Variants in ABCA4 observed in about 807,000 individuals in gnomAD.
ABCA4 encodes ATP binding cassette subfamily A member 4, also known as retinal-specific phospholipid-transporting ATPase ABCA4.
A neutral mutation model predicts 263.7 loss-of-function variants in ABCA4; 196 were observed. The ratio of observed to expected loss-of-function variants is 0.74; its 90% confidence interval spans 0.66 to 0.84. The LOEUF is 0.84. Among genes scored for constraint, ABCA4 ranks in the 40% least tolerant of loss-of-function variants. The pLI, the probability that ABCA4 is intolerant of heterozygous loss-of-function variation, is 0.00. For synonymous variants in ABCA4, 1,133 were observed against 1,094.2 expected (o/e 1.04, Z -0.70); for missense variants, 2,792 against 2,855.1 (o/e 0.98, Z 0.50).
chr1:94,037,244 G>C lies in ABCA4; in HGVS notation c.3714C>G (p.Phe1238Leu), dbSNP rs746958360. ...ELIFLLPNKN[F>L]KHRAYASLFR... is the part of the protein sequence containing the mutation. ...AAAGGCTGGCATATGCTCTGTGCTT[G>C]AAGTTCTTATTTGGAAGAAGGAAGA... Residue 1238 changes from phenylalanine (F) to leucine (L), a missense_variant, in exon 25 of 50, where the codon TTC becomes TTG. Transcript: ENST00000370225. 6.2e-7 allele frequency: 1 copy of C among 1,614,112 alleles called. No homozygotes were observed. The highest frequency in any genetic ancestry group is 8.5e-7 in the Non-Finnish European group (1 of 1,180,050).
At chr1:94,014,516 C>T (rs1571252821) in intron 38 of ABCA4, 27 bp downstream of exon 38, 1 of 1,613,514 alleles carries the variant, frequency 6.2e-7, no homozygotes, top group East Asian at 2.2e-5. Flanking sequence ...ACTAATCAAA[C>T]AAAAAAGCCA....
intron 21 of ABCA4, 83 bp downstream of exon 21, chr1:94,043,253 T>C: frequency 1.3e-6 from 2 of 1,598,674 alleles, no homozygotes; most frequent in Non-Finnish European, 1.7e-6. Flanking sequence ...GCTCTCCTGC[T>C]CCAAGCCTCC....
At chr1:94,006,718 C>T (rs767455704) in intron 43 of ABCA4, among the ~76,000 whole-genome samples, 1 of 152,200 alleles carries the variant, frequency 6.6e-6, no homozygotes, top group Non-Finnish European at 1.5e-5. Context: ...GCCAGTGAAG[C>T]GTGCTCAGGA....
In ABCA4 at chr1:94,031,086, A is replaced by G. The variant is rs61750131; in HGVS notation, c.4163T>C (p.Leu1388Pro). 5 of 1,614,188 alleles carry G rather than the reference A, an allele frequency of 3.1e-6. No homozygotes were observed. The highest frequency in any genetic ancestry group is 1.3e-5 in the African/African-American group (1 of 75,064). ...VLPATFVFLA[L>P]MLSIVIPPFG... Reference sequence around the variant, plus strand: ...AGGAGGGATAACAATAGAAAGCATCAGAGCCAAAAACACAAAGGTAGCCGG... The same window carrying G: ...AGGAGGGATAACAATAGAAAGCATCGGAGCCAAAAACACAAAGGTAGCCGG... The change falls in exon 28 of 50, where the codon CTG becomes CCG. Residue 1388 changes from leucine (L) to proline (P), a missense_variant. Coordinates refer to ENST00000370225, the MANE Select transcript of ABCA4 (RefSeq NM_000350.3).
chr1:94,026,421 A>G (rs1017312184), intron 30 of ABCA4, among the ~76,000 whole-genome samples: 3 of 152,196 alleles, frequency 2.0e-5, no homozygotes, highest in African/African-American at 7.2e-5. Context: ...AGACAGAGAA[A>G]CTGAGGTTCA....
intron 3 of ABCA4, among the ~76,000 whole-genome samples, chr1:94,110,743 T>A (rs891913135): frequency 3.9e-5 from 6 of 152,214 alleles, no homozygotes; most frequent in African/African-American, 1.4e-4. Context: ...TAACCTGGCA[T>A]CTACAATTCC....
intron 16 of ABCA4, 151 bp from the exon 17 acceptor site, chr1:94,051,849 C>T: frequency 1.4e-6 from 1 of 689,888 alleles, no homozygotes. Flanking sequence ...TTCTCAGGCT[C>T]CCAGAAAGAC....
In ABCA4 at chr1:93,992,894, A is replaced by C. The variant is rs1455652477; in HGVS notation, c.*343T>G. 2.5e-6 allele frequency: 1 copy of C among 400,814 alleles called. No individual in the cohort carries two copies. Among genetic ancestry groups the C allele is most frequent in the Non-Finnish European group, 4.7e-6 (1 of 214,018 alleles). The allele number at this position is 400,814 out of a possible 1,614,324, so 24.8% of individuals were successfully genotyped here. A position where few individuals can be genotyped will look rare whatever the true frequency, so the allele number is the denominator to read the frequency against. On this transcript the variant is annotated 3_prime_UTR_variant, in exon 50 of 50. Transcript: ENST00000370225. The stretch of plus-strand genomic sequence containing the variant: ...CATGAAAATCACACACAACGCAGAC[A>C]CACAGACAAACATGCAGAAAAGCAG...
intron 47 of ABCA4, among the ~76,000 whole-genome samples, chr1:94,000,552 C>T (rs1204863484): frequency 2.6e-5 from 4 of 152,204 alleles, no homozygotes; most frequent in African/African-American, 9.7e-5. Flanking sequence ...GCAGTGGTAG[C>T]AGCCCTCCCT....
intron 26 of ABCA4, 110 bp from the exon 27 acceptor site, chr1:94,032,153 G>T: frequency 7.7e-7 from 1 of 1,303,794 alleles, no homozygotes; most frequent in Non-Finnish European, 1.1e-6. Flanking sequence ...ATTTAAGTCA[G>T]CAATGAAATA....
At chr1:94,067,919 G>A (rs569578640) in intron 11 of ABCA4, among the ~76,000 whole-genome samples, 12 of 152,296 alleles carry the variant, frequency 7.9e-5, no homozygotes, top group Admixed American at 6.5e-4. Context: ...ATACCAAACC[G>A]TCTCACAAAT....
At chr1:94,059,105 G>A (rs1460409152) in intron 14 of ABCA4, among the ~76,000 whole-genome samples, 3 of 152,224 alleles carry the variant, frequency 2.0e-5, no homozygotes, top group Non-Finnish European at 4.4e-5. Flanking sequence ...ATTCTTAGGA[G>A]GGCAGATCTC....
chr1:94,032,139 CTTCAT>C (rs1435822284), intron 26 of ABCA4, 96 bp from the exon 27 acceptor site: 1 of 1,472,010 alleles, frequency 6.8e-7, no homozygotes, highest in Non-Finnish European at 9.4e-7. Context: ...TGATTTTCCT[CTTCAT>C]TTAAGTCAGC....
chr1:94,010,950 A>G (rs574792682), intron 39 of ABCA4, 21 bp from the exon 40 acceptor site: 9 of 1,613,962 alleles, frequency 5.6e-6, no homozygotes, highest in Admixed American at 5.0e-5. Flanking sequence ...ACAGGAATTG[A>G]GTCCACTTCA....
At chr1:94,086,251 C>A (rs183904432) in intron 6 of ABCA4, among the ~76,000 whole-genome samples, 41 of 152,296 alleles carry the variant, frequency 2.7e-4, no homozygotes, top group Admixed American at 2.7e-3. Flanking sequence ...CACTTTTTAT[C>A]TTTGTATCAC....
Position 94,078,755 on chromosome 1 carries a change from G to A in ABCA4, c.1240-49C>T, listed in dbSNP as rs780799967. On this transcript the variant is annotated intron_variant, in intron 9 of 49. Coordinates refer to ENST00000370225, the MANE Select transcript of ABCA4 (RefSeq NM_000350.3). ...CAGAGACACGAACAGAGAGAAAAGT[G>A]AGAGAGAACTTTTGGTTGTGTCTTT... 11 of 1,332,548 alleles carry A rather than the reference G, an allele frequency of 8.3e-6. No individual in the cohort carries two copies. In the South Asian group the frequency reaches 1.3e-4, roughly 16 times the overall value. The allele number at this position is 1,332,548 out of a possible 1,614,324, so 82.5% of individuals were successfully genotyped here.
At position 94,083,341 on chromosome 1, in the gene ABCA4, A is replaced by G; in HGVS notation, c.858+11T>C. On this transcript the variant is annotated intron_variant, in intron 7 of 49. Coordinates refer to ENST00000370225, the MANE Select transcript of ABCA4 (RefSeq NM_000350.3). The stretch of plus-strand genomic sequence containing the variant: ...TAATGAAATTATAATTACTACCATC[A>G]GGCTACTCACCTCTTGAATTCTTGG... 6.3e-7 allele frequency: 1 copy of G among 1,576,070 alleles called. No individual in the cohort carries two copies. Among genetic ancestry groups the G allele is most frequent in the Non-Finnish European group, 8.7e-7 (1 of 1,146,210 alleles).
intron 30 of ABCA4, among the ~76,000 whole-genome samples, chr1:94,028,927 A>AC (rs1462924887): frequency 0.057 from 8,337 of 146,498 alleles, 532 homozygotes; most frequent in Non-Finnish European, 0.091. Context: ...AAAAAAAAAA[A>AC]AAAGAAATTC....
At chr1:94,120,900 A>ACCCCCCC in intron 1 of ABCA4, 80 bp downstream of exon 1, 1 of 247,126 alleles carries the variant, frequency 4.0e-6, no homozygotes, top group Non-Finnish European at 6.8e-6. Context: ...CCACCACCCT[A>ACCCCCCC]CCCCACCACC....
Sources: gnomAD v4.1 joint callset for allele counts (sites outside exome capture counted in the v4.1 genomes callset) on GRCh38, gnomAD v4.1.1 for gene constraint, MANE v1.5 for transcripts, NCBI Gene and HGNC (gene_info 2026-07-23, HGNC 2026-07-21) for gene names.